Variants in B3GALT1 observed in about 807,000 individuals in gnomAD.
B3GALT1 encodes the protein UDP-Gal:betaGlcNAc beta 1,3-galactosyltransferase, polypeptide 1.
B3GALT1 carries 10 observed loss-of-function variants against 23.2 expected under a neutral mutation model. The observed-to-expected ratio is 0.43, with a 90% confidence interval of 0.27 to 0.73. The LOEUF (loss-of-function observed/expected upper bound fraction) is 0.73, where lower values mean the gene tolerates loss of function less well. Ranked by LOEUF, B3GALT1 falls within the 30% of genes least tolerant of loss-of-function variation. B3GALT1 has a pLI of 0.21. For missense variants in B3GALT1, 299 were observed against 405.4 expected (o/e 0.74, Z 2.25); for synonymous variants, 156 against 141.5 (o/e 1.10, Z -0.73).
intron 3 of B3GALT1, among the ~76,000 whole-genome samples, chr2:167,743,578 C>G (rs1687608548): frequency 6.6e-6 from 1 of 151,836 alleles, no homozygotes; most frequent in South Asian, 2.1e-4. Flanking sequence ...AGTTATAGAA[C>G]TATTTCACTT....
chr2:167,529,105 A>T (rs1444890844), intron 2 of B3GALT1, among the ~76,000 whole-genome samples: 2 of 152,022 alleles, frequency 1.3e-5, no homozygotes, highest in African/African-American at 2.4e-5. Flanking sequence ...CATTTACTTT[A>T]TGTGTCAAAA....
chr2:167,872,841 T>C lies in B3GALT1; in HGVS notation c.*2821T>C, dbSNP rs1173615690. On this transcript the variant is annotated 3_prime_UTR_variant, in exon 5 of 5. Transcript: ENST00000392690. ...ACCACATGTATATATTTTAAAGGCA[T>C]TTTTTCTTCTCCCCAACTGTATGTA... 6.6e-6 allele frequency: 1 copy of C among 152,182 alleles called. No homozygotes were observed. Among genetic ancestry groups the C allele is most frequent in the Non-Finnish European group, 1.5e-5 (1 of 68,038 alleles). The allele number at this position is 152,182 out of a possible 1,614,324, so 9.4% of individuals were successfully genotyped here.
Position 167,566,582 on chromosome 2 carries a change from G to A in B3GALT1, c.-410+76305G>A, listed in dbSNP as rs529432778. ...AAAAGACAAAATAAAAAAGAATAAC[G>A]TAGTCCAGCCTCCTTATTTGAATGA... On this transcript the variant is annotated intron_variant, in intron 2 of 4. Transcript: ENST00000392690. 1.4e-4 allele frequency among the ~76,000 whole-genome samples: 22 copies of A among 151,918 alleles called. No homozygotes were observed. In the East Asian group the frequency reaches 3.1e-3, roughly 21 times the overall value.
At chr2:167,661,986 G>C (rs1686067829) in intron 3 of B3GALT1, among the ~76,000 whole-genome samples, 1 of 151,390 alleles carries the variant, frequency 6.6e-6, no homozygotes, top group Non-Finnish European at 1.5e-5. Context: ...AAAACCTTTA[G>C]AAATGTGAAG....
intron 2 of B3GALT1, among the ~76,000 whole-genome samples, chr2:167,620,890 T>C (rs984083696): frequency 1.3e-5 from 2 of 152,042 alleles, no homozygotes; most frequent in African/African-American, 4.8e-5. Context: ...GTAATATTAA[T>C]ACTAATCAGC....
At chr2:167,587,814 A>G (rs1405465526) in intron 2 of B3GALT1, among the ~76,000 whole-genome samples, 3 of 152,238 alleles carry the variant, frequency 2.0e-5, no homozygotes, top group Non-Finnish European at 1.5e-5. Flanking sequence ...TCTTCAGTCT[A>G]GTAATTCAAT....
At chr2:167,856,675 C>A (rs1466668394) in intron 4 of B3GALT1, among the ~76,000 whole-genome samples, 2 of 152,108 alleles carry the variant, frequency 1.3e-5, no homozygotes, top group Non-Finnish European at 2.9e-5. Flanking sequence ...AAGTTGTATG[C>A]TTTACTGAGA....
At chr2:167,308,713 T>C (rs907105517) in intron 1 of B3GALT1, among the ~76,000 whole-genome samples, 1 of 151,968 alleles carries the variant, frequency 6.6e-6, no homozygotes, top group Non-Finnish European at 1.5e-5. Context: ...CCCCTTTTCT[T>C]TAGTTGGCAA....
At chr2:167,593,608 A>C (rs1684721962) in intron 2 of B3GALT1, among the ~76,000 whole-genome samples, 1 of 152,198 alleles carries the variant, frequency 6.6e-6, no homozygotes, top group Non-Finnish European at 1.5e-5. Flanking sequence ...TGTGCTTATG[A>C]AATTTAAAAT....
intron 4 of B3GALT1, among the ~76,000 whole-genome samples, chr2:167,845,462 A>C (rs1002857692): frequency 3.3e-5 from 5 of 152,182 alleles, no homozygotes; most frequent in Non-Finnish European, 5.9e-5. Flanking sequence ...AGTCAGGTAG[A>C]CTTACTTACG....
chr2:167,520,044 CA>C (rs71031294), intron 2 of B3GALT1, among the ~76,000 whole-genome samples: 37 of 142,818 alleles, frequency 2.6e-4, no homozygotes, highest in African/African-American at 7.6e-4. Flanking sequence ...GACTCTATCT[CA>C]AAAAAAAAAG....
intron 1 of B3GALT1, among the ~76,000 whole-genome samples, chr2:167,407,006 A>G (rs1698290981): frequency 7.1e-6 from 1 of 140,070 alleles, no homozygotes; most frequent in Admixed American, 7.6e-5. Context: ...ACTGGCATTT[A>G]TGGAACATTT....
intron 2 of B3GALT1, among the ~76,000 whole-genome samples, chr2:167,496,688 A>G (rs1297287032): frequency 6.6e-6 from 1 of 152,158 alleles, no homozygotes; most frequent in African/African-American, 2.4e-5. Flanking sequence ...TTGAAATCCT[A>G]ACTCTCAGTG....
chr2:167,465,196 G>A (rs1023998001), intron 1 of B3GALT1, among the ~76,000 whole-genome samples: 4 of 152,124 alleles, frequency 2.6e-5, no homozygotes, highest in African/African-American at 9.7e-5. Flanking sequence ...TTGAGTTTGT[G>A]TATTTATTTT....
chr2:167,778,425 T>A (rs1688198003), intron 3 of B3GALT1, among the ~76,000 whole-genome samples: 1 of 152,220 alleles, frequency 6.6e-6, no homozygotes, highest in South Asian at 2.1e-4. Context: ...TTAAAGGGTT[T>A]ATTGTAATCC....
intron 1 of B3GALT1, among the ~76,000 whole-genome samples, chr2:167,352,342 T>C (rs1055651140): frequency 2.0e-5 from 3 of 151,190 alleles, no homozygotes; most frequent in Non-Finnish European, 4.4e-5. Context: ...TTAAGAGATA[T>C]GTGAGCAGTT....
At position 167,358,094 on chromosome 2, in the gene B3GALT1, G is replaced by T. The variant is rs531899406; in HGVS notation, c.-511+64760G>T. Among the ~76,000 whole-genome samples, 10 of 152,248 alleles carry T rather than the reference G, an allele frequency of 6.6e-5. No individual in the cohort carries two copies. In the East Asian group the frequency reaches 1.9e-3, roughly 29 times the overall value. ...TTACTACTTACTTATTTTTGTAAGG[G>T]ATAGAGCAAACCTGTAAATGTGTTG... On this transcript the variant is annotated intron_variant, in intron 1 of 4. Transcript: ENST00000392690.
At chr2:167,447,319 T>C (rs1018763317) in intron 1 of B3GALT1, among the ~76,000 whole-genome samples, 1 of 152,200 alleles carries the variant, frequency 6.6e-6, no homozygotes, top group East Asian at 1.9e-4. Flanking sequence ...AGGGACCCAC[T>C]TGAGGAGGCA....
chr2:167,822,937 A>G (rs1041938995), intron 4 of B3GALT1, among the ~76,000 whole-genome samples: 1 of 152,240 alleles, frequency 6.6e-6, no homozygotes, highest in Non-Finnish European at 1.5e-5. Flanking sequence ...TCCTGGACAT[A>G]TAGATAGACC....
Sources: allele counts gnomAD v4.1 joint callset (sites outside exome capture counted in the v4.1 genomes callset), GRCh38; gene constraint gnomAD v4.1.1; transcripts MANE v1.5; gene names NCBI Gene and HGNC (gene_info 2026-07-23, HGNC 2026-07-21).